Variants in TRMT9B observed in about 807,000 individuals in gnomAD.
The protein encoded by TRMT9B is tRNA methyltransferase 9B (putative), also known as probable tRNA methyltransferase 9B.
A neutral mutation model predicts 11.5 loss-of-function variants in TRMT9B; 16 were observed. That is an observed-to-expected ratio of 1.39 (90% CI 0.94 to 2.11). The LOEUF (loss-of-function observed/expected upper bound fraction) is 2.11, where lower values mean the gene tolerates loss of function less well. Ranked by LOEUF, TRMT9B falls within the 30% of genes most tolerant of loss-of-function variation. TRMT9B has a pLI of 0.00. For synonymous variants in TRMT9B, 274 were observed against 192.4 expected (o/e 1.42, Z -3.51); for missense variants, 941 against 553.8 (o/e 1.70, Z -7.02).
chr8:13,019,094 T>G (rs1483454962), intron 4 of TRMT9B, among the ~76,000 whole-genome samples: 1 of 152,094 alleles, frequency 6.6e-6, no homozygotes, highest in Non-Finnish European at 1.5e-5. Flanking sequence ...GAGTATTGAT[T>G]TGGGGGATTA....
chr8:12,980,565 AGAGTT>A (rs1805196436), intron 1 of TRMT9B, among the ~76,000 whole-genome samples: 2 of 152,158 alleles, frequency 1.3e-5, no homozygotes, highest in African/African-American at 2.4e-5. Flanking sequence ...TGCACACTAC[AGAGTT>A]GAGTAGAAAA....
At position 12,965,561 on chromosome 8, in the gene TRMT9B, G is replaced by A. The variant is rs139709747; in HGVS notation, c.-200+19595G>A. Among the ~76,000 whole-genome samples the A allele has an allele frequency of 2.5e-3, 385 of 152,096 alleles. 2 individuals carry two copies. The highest frequency in any genetic ancestry group is 8.7e-3 in the African/African-American group (361 of 41,500). Reference sequence around the variant, plus strand: ...CCAAAGCTGACCTGTCTGATGACCCGAAAGTCTTTTTCTTCATATTTTTGA... The same window carrying A: ...CCAAAGCTGACCTGTCTGATGACCCAAAAGTCTTTTTCTTCATATTTTTGA... On this transcript the variant is annotated intron_variant, in intron 1 of 4. Transcript: ENST00000524591.
At chr8:12,976,191 G>T (rs1804417199) in intron 1 of TRMT9B, among the ~76,000 whole-genome samples, 1 of 152,086 alleles carries the variant, frequency 6.6e-6, no homozygotes, top group Admixed American at 6.6e-5. Flanking sequence ...CTCGGCACCT[G>T]CCCTAGTTCT....
intron 1 of TRMT9B, among the ~76,000 whole-genome samples, chr8:12,967,910 T>C (rs1465814978): frequency 1.3e-5 from 2 of 152,256 alleles, no homozygotes; most frequent in Non-Finnish European, 2.9e-5. Flanking sequence ...CTTATTTACT[T>C]TCTGAGACAG....
chr8:12,966,432 G>A (rs112729644), intron 1 of TRMT9B, among the ~76,000 whole-genome samples: 54 of 152,234 alleles, frequency 3.5e-4, no homozygotes, highest in African/African-American at 1.3e-3. Flanking sequence ...ATAAAGATGT[G>A]TTGTTTACAA....
intron 1 of TRMT9B, among the ~76,000 whole-genome samples, chr8:12,966,806 C>A (rs542626794): frequency 6.6e-6 from 1 of 152,132 alleles, no homozygotes; most frequent in Non-Finnish European, 1.5e-5. Flanking sequence ...ACCTGAGCTT[C>A]GTAGGGTTTG....
chr8:13,021,480 A>T lies in TRMT9B; in HGVS notation c.801A>T (p.Arg267Ser), dbSNP rs1813862417. The change falls in exon 5 of 5, where the codon AGA (arginine) becomes AGT (serine). Residue 267 changes from arginine (R) to serine (S), a missense_variant. Arg to Ser is a moderately radical substitution (Grantham distance 110). Coordinates refer to ENST00000524591, the MANE Select transcript of TRMT9B (RefSeq NM_020844.3). ...DESTLRKQIE[R>S]VRPLKNTEVW... ...CGACTCTGAGGAAGCAAATTGAAAG[A>T]GTAAGACCCTTGAAAAACACAGAAG... The T allele has an allele frequency of 1.2e-6, 2 of 1,613,800 alleles. No individual in the cohort carries two copies. Among genetic ancestry groups the T allele is most frequent in the South Asian group, 2.2e-5 (2 of 91,076 alleles).
intron 1 of TRMT9B, among the ~76,000 whole-genome samples, chr8:12,984,203 T>G (rs1805881579): frequency 6.6e-6 from 1 of 152,236 alleles, no homozygotes; most frequent in African/African-American, 2.4e-5. Flanking sequence ...CCATGAATTT[T>G]GTGTTTAGAC....
At chr8:12,995,525 C>A (rs1808179954) in intron 2 of TRMT9B, among the ~76,000 whole-genome samples, 1 of 152,286 alleles carries the variant, frequency 6.6e-6, no homozygotes, top group Non-Finnish European at 1.5e-5. Context: ...GATAATCACT[C>A]AATACATATA....
chr8:13,015,015 T>C (rs1812360399), intron 4 of TRMT9B, among the ~76,000 whole-genome samples: 1 of 151,696 alleles, frequency 6.6e-6, no homozygotes, highest in South Asian at 2.1e-4. Flanking sequence ...GCCAAGATCA[T>C]GCCACTGCAC....
intron 1 of TRMT9B, among the ~76,000 whole-genome samples, chr8:12,966,774 G>C (rs1364932068): frequency 1.3e-5 from 2 of 152,180 alleles, no homozygotes; most frequent in African/African-American, 4.8e-5. Context: ...AGGGTTAGGG[G>C]AACCATCCTG....
At chr8:12,979,146 C>T (rs1189276011) in intron 1 of TRMT9B, among the ~76,000 whole-genome samples, 2 of 152,120 alleles carry the variant, frequency 1.3e-5, no homozygotes, top group South Asian at 2.1e-4. Flanking sequence ...AATGGCAGGC[C>T]TATGAGGAAG....
chr8:12,994,872 G>A (rs1045332733), intron 2 of TRMT9B, among the ~76,000 whole-genome samples: 1 of 152,118 alleles, frequency 6.6e-6, no homozygotes, highest in Admixed American at 6.5e-5. Context: ...AGTAGAGACG[G>A]GGTTTCTCCA....
At chr8:12,998,610 AG>A (rs1178084202) in intron 2 of TRMT9B, among the ~76,000 whole-genome samples, 1 of 152,234 alleles carries the variant, frequency 6.6e-6, no homozygotes, top group Non-Finnish European at 1.5e-5. Flanking sequence ...AGGTATAAAA[AG>A]CACCGTCTTG....
chr8:12,951,467 A>T (rs75667117), intron 1 of TRMT9B: 1 of 152,256 alleles, frequency 6.6e-6, no homozygotes, highest in African/African-American at 2.4e-5. Flanking sequence ...CGAGAGAGGC[A>T]GGCAACAAGG....
intron 2 of TRMT9B, among the ~76,000 whole-genome samples, chr8:12,993,522 G>C (rs901731581): frequency 1.3e-5 from 2 of 152,284 alleles, no homozygotes; most frequent in East Asian, 3.9e-4. Flanking sequence ...GATGTGGGGG[G>C]TGCAGAGACA....
In TRMT9B at chr8:12,989,461, G is replaced by A. The variant is rs541834643; in HGVS notation, c.-199-1373G>A. 3.3e-5 allele frequency among the ~76,000 whole-genome samples: 5 copies of A among 152,282 alleles called. No homozygotes were observed. In the South Asian group the frequency reaches 1.0e-3, roughly 32 times the overall value. Reference sequence around the variant, plus strand: ...TAGGTGTTTTGGGTGCCTGATTTGGGCGTATAGACAAGCCTCCTGCCCAGG... The same window carrying A: ...TAGGTGTTTTGGGTGCCTGATTTGGACGTATAGACAAGCCTCCTGCCCAGG... On this transcript the variant is annotated intron_variant, in intron 1 of 4. Transcript: ENST00000524591.
At chr8:12,971,831 C>T (rs1258256777) in intron 1 of TRMT9B, among the ~76,000 whole-genome samples, 2 of 152,076 alleles carry the variant, frequency 1.3e-5, no homozygotes, top group Non-Finnish European at 2.9e-5. Flanking sequence ...TTAAATATTT[C>T]CTATTTATTT....
intron 4 of TRMT9B, among the ~76,000 whole-genome samples, chr8:13,014,943 C>G (rs949584727): frequency 1.3e-5 from 2 of 151,908 alleles, no homozygotes; most frequent in African/African-American, 4.8e-5. Context: ...CACTTGTAAT[C>G]CCACTACTTG....
Sources: gnomAD v4.1 joint callset for allele counts (sites outside exome capture counted in the v4.1 genomes callset) on GRCh38, gnomAD v4.1.1 for gene constraint, MANE v1.5 for transcripts, NCBI Gene and HGNC (gene_info 2026-07-23, HGNC 2026-07-21) for gene names.